Variants in EGFR observed in about 807,000 individuals in gnomAD.
EGFR encodes the protein epidermal growth factor receptor.
In EGFR, 58 loss-of-function variants were observed where a neutral mutation model predicts 143.0. The ratio of observed to expected loss-of-function variants is 0.41; its 90% CI spans 0.33 to 0.50. The LOEUF (loss-of-function observed/expected upper bound fraction) is 0.50, where lower values mean the gene tolerates loss of function less well. Among genes scored for constraint, EGFR ranks in the 20% least tolerant of loss-of-function variants. The pLI is 0.39. For synonymous variants in EGFR, 613 were observed against 594.4 expected (o/e 1.03, Z -0.45); for missense variants, 1,307 against 1,579.0 (o/e 0.83, Z 2.92).
At chr7:55,203,240 ATAC>A (rs1233707744) in intron 27 of EGFR, among the ~76,000 whole-genome samples, 2 of 139,064 alleles carry the variant, frequency 1.4e-5, no homozygotes, top group Non-Finnish European at 3.0e-5. Flanking sequence ...CCACACACAC[ATAC>A]ATGTATACAC....
intron 1 of EGFR, among the ~76,000 whole-genome samples, chr7:55,040,234 T>A (rs1219435881): frequency 2.0e-5 from 3 of 152,122 alleles, no homozygotes; most frequent in Non-Finnish European, 4.4e-5. Flanking sequence ...AAGAAAAATA[T>A]GAAAAGTGGA....
In EGFR at chr7:55,206,813, T is replaced by C. The variant is rs958034695; in HGVS notation, c.*1196T>C. 3 of 233,222 alleles carry C rather than the reference T, an allele frequency of 1.3e-5. No individual in the cohort carries two copies. The highest frequency in any genetic ancestry group is 1.1e-4 in the Admixed American group (2 of 17,780). The allele number at this position is 233,222 out of a possible 1,614,324, so 14.4% of individuals were successfully genotyped here. ...TGTCACACAAAAAGTGTCTCTGCCT[T>C]GAGTCATCTATTCAAGCACTTACAG... On this transcript the variant is annotated 3_prime_UTR_variant, in exon 28 of 28. Coordinates refer to ENST00000275493, the MANE Select transcript of EGFR (RefSeq NM_005228.5).
intron 27 of EGFR, among the ~76,000 whole-genome samples, chr7:55,204,541 T>TAC (rs998304354): frequency 2.8e-5 from 3 of 108,484 alleles, no homozygotes; most frequent in South Asian, 3.1e-4. Flanking sequence ...TACGCATATA[T>TAC]ACACACACAC....
intron 1 of EGFR, among the ~76,000 whole-genome samples, chr7:55,104,535 G>T (rs1305450047): frequency 6.6e-6 from 1 of 152,172 alleles, no homozygotes; most frequent in African/African-American, 2.4e-5. Flanking sequence ...ATCTGTGGGG[G>T]TTATCTGAAG....
intron 1 of EGFR, among the ~76,000 whole-genome samples, chr7:55,051,805 T>C (rs1007434345): frequency 6.6e-6 from 1 of 152,248 alleles, no homozygotes; most frequent in African/African-American, 2.4e-5. Context: ...ACACAGACGC[T>C]GACCACTGCT....
intron 1 of EGFR, among the ~76,000 whole-genome samples, chr7:55,083,338 T>C (rs556171429): frequency 6.6e-6 from 1 of 152,364 alleles, no homozygotes; most frequent in Non-Finnish European, 1.5e-5. Context: ...ACTTCCTTGG[T>C]ATTCTTTAGA....
chr7:55,172,166 G>A (rs554597102), intron 16 of EGFR, among the ~76,000 whole-genome samples: 2 of 152,316 alleles, frequency 1.3e-5, no homozygotes, highest in African/African-American at 4.8e-5. Flanking sequence ...ACCAGTCATG[G>A]CCATTCCTTC....
chr7:55,117,483 G>T (rs1792933442), intron 1 of EGFR, among the ~76,000 whole-genome samples: 1 of 152,192 alleles, frequency 6.6e-6, no homozygotes, highest in Non-Finnish European at 1.5e-5. Flanking sequence ...AACGGCTCTT[G>T]GCCATGGTTG....
At chr7:55,044,717 G>A (rs11760406) in intron 1 of EGFR, among the ~76,000 whole-genome samples, 38,534 of 152,052 alleles carry the variant, frequency 0.25, 6,619 homozygotes, top group East Asian at 0.84. Flanking sequence ...GTTTCCCGCC[G>A]CCCCCCGCAT....
At chr7:55,195,164 A>G (rs1402993195) in intron 22 of EGFR, among the ~76,000 whole-genome samples, 1 of 152,248 alleles carries the variant, frequency 6.6e-6, no homozygotes, top group Admixed American at 6.5e-5. Flanking sequence ...AGATCTGGAA[A>G]TGAGACAGTC....
chr7:55,183,161 T>G (rs17337268), intron 20 of EGFR, among the ~76,000 whole-genome samples: 1,872 of 152,236 alleles, frequency 0.012, 44 homozygotes, highest in African/African-American at 0.043. Context: ...GGCCTTTTCC[T>G]GTGTCTCTGC....
chr7:55,094,873 C>A (rs1325857745), intron 1 of EGFR, among the ~76,000 whole-genome samples: 1 of 152,188 alleles, frequency 6.6e-6, no homozygotes, highest in African/African-American at 2.4e-5. Context: ...AGACCCAAAA[C>A]AATTTAACAG....
At chr7:55,179,110 G>T (rs1351543088) in intron 19 of EGFR, among the ~76,000 whole-genome samples, 1 of 152,270 alleles carries the variant, frequency 6.6e-6, no homozygotes, top group Admixed American at 6.5e-5. Flanking sequence ...CAGAGCGCCA[G>T]CTAGACCCTA....
intron 27 of EGFR, among the ~76,000 whole-genome samples, chr7:55,204,535 C>A (rs56004475): frequency 3.5e-5 from 5 of 142,972 alleles, no homozygotes; most frequent in Non-Finnish European, 7.6e-5. Flanking sequence ...CACACATACG[C>A]ATATATACAC....
At chr7:55,178,525 C>T (rs1786707799) in intron 19 of EGFR, among the ~76,000 whole-genome samples, 1 of 152,140 alleles carries the variant, frequency 6.6e-6, no homozygotes, top group Non-Finnish European at 1.5e-5. Context: ...GTCAGGAGAC[C>T]TGGTTGTGGG....
chr7:55,180,089 C>T (rs17290406), intron 19 of EGFR: 11,074 of 152,548 alleles, frequency 0.073, 728 homozygotes, highest in East Asian at 0.36. Flanking sequence ...CTGACCTGCC[C>T]GGGCACCCTG....
intron 14 of EGFR, 93 bp from the exon 15 acceptor site, chr7:55,165,187 A>G: frequency 1.3e-6 from 2 of 1,580,432 alleles, no homozygotes; most frequent in Admixed American, 1.7e-5. Flanking sequence ...TTCCCCACTC[A>G]CACACACTAA....
chr7:55,188,978 G>A (rs1787264818), intron 20 of EGFR: 1 of 152,206 alleles, frequency 6.6e-6, no homozygotes, highest in South Asian at 2.1e-4. Context: ...CTGGTGTGAG[G>A]AGTGGGGAAG....
chr7:55,066,929 A>T (rs1265514648), intron 1 of EGFR, among the ~76,000 whole-genome samples: 1 of 152,240 alleles, frequency 6.6e-6, no homozygotes, highest in Non-Finnish European at 1.5e-5. Context: ...CCACAGAGAC[A>T]TGGAATTACA....
Sources: allele counts gnomAD v4.1 joint callset (sites outside exome capture counted in the v4.1 genomes callset), GRCh38; gene constraint gnomAD v4.1.1; transcripts MANE v1.5; gene names NCBI Gene and HGNC (gene_info 2026-07-23, HGNC 2026-07-21).